Variants in NRXN3 observed in about 807,000 individuals in gnomAD.
The protein encoded by NRXN3 is neurexin 3, also known as neurexin III.
NRXN3 carries 32 observed loss-of-function variants against 137.6 expected under a neutral mutation model. The ratio of observed to expected loss-of-function variants is 0.23; its 90% CI spans 0.18 to 0.31. The LOEUF is 0.31. Ranked by LOEUF, NRXN3 falls within the 10% of genes least tolerant of loss-of-function variation. NRXN3 has a pLI of 1.00. For missense variants in NRXN3, 1,574 were observed against 2,062.5 expected (o/e 0.76, Z 4.59); for synonymous variants, 798 against 784.5 (o/e 1.02, Z -0.29).
intron 19 of NRXN3, among the ~76,000 whole-genome samples, chr14:79,730,210 C>A (rs1197379131): frequency 2.0e-5 from 3 of 152,120 alleles, no homozygotes; most frequent in African/African-American, 4.8e-5. Flanking sequence ...TAGGCCACAG[C>A]ATCCCACTTT....
intron 16 of NRXN3, among the ~76,000 whole-genome samples, chr14:79,604,509 A>G (rs1046926573): frequency 6.7e-6 from 1 of 149,230 alleles, no homozygotes; most frequent in Non-Finnish European, 1.5e-5. Context: ...CGGTAGGATT[A>G]CAGGCATGAG....
intron 16 of NRXN3, among the ~76,000 whole-genome samples, chr14:79,477,871 A>G (rs2096573672): frequency 2.0e-5 from 3 of 152,128 alleles, no homozygotes; most frequent in Admixed American, 2.0e-4. Flanking sequence ...TAAAAAGGAG[A>G]GAACTGAGAA....
At chr14:78,518,469 A>G (rs570178527) in intron 4 of NRXN3, among the ~76,000 whole-genome samples, 1 of 152,264 alleles carries the variant, frequency 6.6e-6, no homozygotes, top group African/African-American at 2.4e-5. Flanking sequence ...CATATGTGAC[A>G]TAAAATAGAA....
At chr14:78,491,895 A>G (rs1026635894) in intron 4 of NRXN3, among the ~76,000 whole-genome samples, 6 of 152,126 alleles carry the variant, frequency 3.9e-5, no homozygotes, top group African/African-American at 1.2e-4. Flanking sequence ...TTCTCTCTCA[A>G]ATCTGACTGT....
At chr14:79,401,812 A>G (rs1439874152) in intron 15 of NRXN3, among the ~76,000 whole-genome samples, 5 of 151,904 alleles carry the variant, frequency 3.3e-5, no homozygotes, top group African/African-American at 4.8e-5. Context: ...GGACTGATGA[A>G]TAAGTACGTG....
chr14:79,846,764 C>A (rs1390697604), intron 20 of NRXN3, among the ~76,000 whole-genome samples: 3 of 152,102 alleles, frequency 2.0e-5, no homozygotes, highest in Non-Finnish European at 4.4e-5. Flanking sequence ...AGACCTGAAA[C>A]AACTTTAGGA....
chr14:79,497,754 A>C (rs1246154439), intron 16 of NRXN3, among the ~76,000 whole-genome samples: 2 of 152,128 alleles, frequency 1.3e-5, no homozygotes, highest in African/African-American at 4.8e-5. Context: ...AGCCAGAATG[A>C]GGCTGGGCAC....
chr14:79,805,845 A>G (rs1285077538), intron 20 of NRXN3, among the ~76,000 whole-genome samples: 1 of 152,168 alleles, frequency 6.6e-6, no homozygotes, highest in Non-Finnish European at 1.5e-5. Flanking sequence ...TTCAAAATGT[A>G]TCTACTGTGC....
chr14:78,432,822 G>A (rs1017389911), intron 4 of NRXN3, among the ~76,000 whole-genome samples: 11 of 152,176 alleles, frequency 7.2e-5, no homozygotes, highest in Non-Finnish European at 1.5e-4. Flanking sequence ...AGTAAGGAGT[G>A]GAGAAAACTT....
Position 78,234,421 on chromosome 14 carries a change from C to A in NRXN3, c.-703-7970C>A, listed in dbSNP as rs111842856. On this transcript the variant is annotated intron_variant, in intron 1 of 20. Coordinates refer to ENST00000335750, the MANE Select transcript of NRXN3 (RefSeq NM_001330195.2). Reference sequence around the variant, plus strand: ...CCTACGTATGATAATTCATTGTTATCATCTGTTTCACAGAGAAGACAACGG... The same window carrying A: ...CCTACGTATGATAATTCATTGTTATAATCTGTTTCACAGAGAAGACAACGG... 9.0e-3 allele frequency among the ~76,000 whole-genome samples: 1,367 copies of A among 152,308 alleles called. 21 individuals are homozygous for A. The highest frequency in any genetic ancestry group is 0.031 in the African/African-American group (1,290 of 41,572).
At chr14:79,123,100 G>C (rs1267431045) in intron 15 of NRXN3, among the ~76,000 whole-genome samples, 3 of 152,146 alleles carry the variant, frequency 2.0e-5, no homozygotes, top group Non-Finnish European at 4.4e-5. Flanking sequence ...ACAATTCACT[G>C]TTTTGTAGGA....
chr14:79,296,453 A>T (rs1376337316), intron 15 of NRXN3, among the ~76,000 whole-genome samples: 1 of 152,000 alleles, frequency 6.6e-6, no homozygotes, highest in Non-Finnish European at 1.5e-5. Flanking sequence ...TTGGGAAAAA[A>T]AAAAAAACCA....
chr14:78,413,865 A>G (rs972050844), intron 4 of NRXN3, among the ~76,000 whole-genome samples: 6 of 152,170 alleles, frequency 3.9e-5, no homozygotes, highest in African/African-American at 1.2e-4. Context: ...TTCACCTTGA[A>G]TTGTAATAAT....
At chr14:79,405,125 G>C (rs563937472) in intron 15 of NRXN3, among the ~76,000 whole-genome samples, 1 of 152,170 alleles carries the variant, frequency 6.6e-6, no homozygotes, top group South Asian at 2.1e-4. Flanking sequence ...CAACAGGCCA[G>C]TGAAACAGCC....
At chr14:78,889,999 G>C (rs1045917655) in intron 10 of NRXN3, among the ~76,000 whole-genome samples, 1 of 151,952 alleles carries the variant, frequency 6.6e-6, no homozygotes, top group African/African-American at 2.4e-5. Flanking sequence ...AGAGATTGGA[G>C]GGATATAACC....
intron 15 of NRXN3, among the ~76,000 whole-genome samples, chr14:79,205,677 TAC>T (rs2066685949): frequency 6.6e-6 from 1 of 152,204 alleles, no homozygotes. Flanking sequence ...ACATTATAAG[TAC>T]ACACTCTATC....
At chr14:78,583,870 T>C (rs1019895932) in intron 4 of NRXN3, among the ~76,000 whole-genome samples, 3 of 152,198 alleles carry the variant, frequency 2.0e-5, no homozygotes, top group African/African-American at 7.2e-5. Context: ...TGCTGGTGAC[T>C]GTGGACCCTT....
At chr14:79,665,397 C>T (rs769986132) in intron 17 of NRXN3, among the ~76,000 whole-genome samples, 6 of 152,072 alleles carry the variant, frequency 3.9e-5, no homozygotes, top group Non-Finnish European at 8.8e-5. Context: ...TTGAAGAAAG[C>T]CAAAGCTATT....
intron 4 of NRXN3, among the ~76,000 whole-genome samples, chr14:78,406,277 T>C (rs1398205614): frequency 6.6e-6 from 1 of 152,160 alleles, no homozygotes; most frequent in Non-Finnish European, 1.5e-5. Flanking sequence ...GGTCTGGATA[T>C]TTCTGTCTTG....
Sources: allele counts gnomAD v4.1 joint callset (sites outside exome capture counted in the v4.1 genomes callset), GRCh38; gene constraint gnomAD v4.1.1; transcripts MANE v1.5; gene names NCBI Gene and HGNC (gene_info 2026-07-23, HGNC 2026-07-21).